Variants in PCCB observed in about 807,000 individuals in gnomAD.
The protein encoded by PCCB is propionyl-CoA carboxylase beta chain, mitochondrial.
Under a neutral mutation model 60.7 loss-of-function variants are expected in PCCB, and 43 were observed. The ratio of observed to expected loss-of-function variants is 0.71; its 90% CI spans 0.55 to 0.91. PCCB has a LOEUF of 0.91. PCCB is among the 40% of genes least tolerant of loss of function. The pLI is 0.00. For synonymous variants in PCCB, 276 were observed against 255.9 expected (o/e 1.08, Z -0.75); for missense variants, 766 against 702.8 (o/e 1.09, Z -1.02).
intron 9 of PCCB, among the ~76,000 whole-genome samples, chr3:136,309,520 C>T (rs1934578853): frequency 1.3e-5 from 2 of 152,060 alleles, no homozygotes; most frequent in South Asian, 2.1e-4. Flanking sequence ...CGTTAAGAGG[C>T]CAGGTGTGGT....
At chr3:136,254,898 G>C (rs1313185481) in intron 1 of PCCB, among the ~76,000 whole-genome samples, 1 of 145,768 alleles carries the variant, frequency 6.9e-6, no homozygotes, top group Non-Finnish European at 1.5e-5. Context: ...TTTTTGGGAC[G>C]GAGTTTCACT....
At chr3:136,301,195 G>A (rs921458780) in intron 9 of PCCB, 84 bp downstream of exon 9, 2 of 1,076,688 alleles carry the variant, frequency 1.9e-6, no homozygotes, top group African/African-American at 3.1e-5. Context: ...GGAAGCACTG[G>A]ACCACTTGGC....
intron 10 of PCCB, among the ~76,000 whole-genome samples, chr3:136,319,254 G>A (rs910553797): frequency 7.9e-5 from 12 of 151,556 alleles, no homozygotes; most frequent in African/African-American, 2.9e-4. Flanking sequence ...TTTTAATTTT[G>A]TGTGTTTTTT....
intron 5 of PCCB, among the ~76,000 whole-genome samples, chr3:136,269,476 C>T (rs903439537): frequency 3.3e-5 from 5 of 152,112 alleles, no homozygotes; most frequent in South Asian, 4.1e-4. Flanking sequence ...ATCATGTCTT[C>T]TGCAAATAGA....
intron 9 of PCCB, among the ~76,000 whole-genome samples, chr3:136,307,249 A>G (rs1026486468): frequency 3.2e-5 from 4 of 123,078 alleles, no homozygotes; most frequent in Admixed American, 2.9e-4. Context: ...TTATCCAATC[A>G]AGAGGTAGCT....
rs1935489143 is a variant in PCCB, at chr3:136,330,139, ATAAC to A, written c.*117_*120del. The A allele has an allele frequency of 2.6e-6, 4 of 1,566,918 alleles. No homozygotes were observed. The highest frequency in any genetic ancestry group is 2.7e-5 in the African/African-American group (2 of 73,466). ...AATCCAAATAGTTGGATAACTTAGA[ATAAC>A]TAAGTTTATTAAATTCTAGAAAGAT... On this transcript the variant is annotated 3_prime_UTR_variant, in exon 15 of 15. Transcript: ENST00000251654.
chr3:136,306,628 T>C (rs1296179091), intron 9 of PCCB, among the ~76,000 whole-genome samples: 1 of 122,778 alleles, frequency 8.1e-6, no homozygotes, highest in Non-Finnish European at 1.8e-5. Flanking sequence ...TGTACATATA[T>C]GCAATTATAA....
At chr3:136,299,654 GTGTA>G (rs1477232454) in intron 8 of PCCB, among the ~76,000 whole-genome samples, 1 of 123,758 alleles carries the variant, frequency 8.1e-6, no homozygotes, top group Non-Finnish European at 1.7e-5. Context: ...GTATATGCAT[GTGTA>G]TGTATAGGTA....
intron 9 of PCCB, among the ~76,000 whole-genome samples, chr3:136,312,409 A>G (rs768490553): frequency 1.3e-5 from 2 of 152,210 alleles, no homozygotes; most frequent in Non-Finnish European, 2.9e-5. Context: ...GGGTATTACA[A>G]TAGGACCACC....
intron 5 of PCCB, among the ~76,000 whole-genome samples, chr3:136,265,831 T>G (rs1257258337): frequency 2.6e-5 from 3 of 117,034 alleles, no homozygotes; most frequent in Admixed American, 1.6e-4. Flanking sequence ...TCTTTTTTTG[T>G]TTTTTTTTTT....
At chr3:136,256,255 A>G (rs1576402539) in intron 2 of PCCB, 2 of 565,422 alleles carry the variant, frequency 3.5e-6, no homozygotes, top group East Asian at 6.2e-5. Flanking sequence ...GTGTTTCTTT[A>G]TACGTCCTCC....
At chr3:136,301,209 C>T (rs1336681107) in intron 9 of PCCB, 98 bp downstream of exon 9, 2 of 909,676 alleles carry the variant, frequency 2.2e-6, no homozygotes, top group East Asian at 4.9e-5. Flanking sequence ...ACTTGGCCTC[C>T]ATGTCAGACA....
At chr3:136,295,037 C>T (rs1933870632) in intron 7 of PCCB, among the ~76,000 whole-genome samples, 1 of 152,208 alleles carries the variant, frequency 6.6e-6, no homozygotes, top group Non-Finnish European at 1.5e-5. Flanking sequence ...GGAAGTAGGG[C>T]ATGATTCTGA....
At chr3:136,271,114 G>C (rs1942186311) in intron 5 of PCCB, among the ~76,000 whole-genome samples, 1 of 152,088 alleles carries the variant, frequency 6.6e-6, no homozygotes, top group African/African-American at 2.4e-5. Context: ...CTGTGCAGAA[G>C]CTTTTTAGTT....
intron 5 of PCCB, among the ~76,000 whole-genome samples, chr3:136,263,649 T>C (rs996869850): frequency 2.0e-5 from 3 of 152,104 alleles, no homozygotes; most frequent in Admixed American, 1.3e-4. Flanking sequence ...ATGCTGCTTG[T>C]CATATTGATA....
chr3:136,320,773 T>C (rs931989572), intron 10 of PCCB, among the ~76,000 whole-genome samples: 1 of 152,238 alleles, frequency 6.6e-6, no homozygotes, highest in Admixed American at 6.5e-5. Flanking sequence ...TTTCTGCAAA[T>C]AGAGATAGTT....
At chr3:136,263,257 T>TG (rs1243842297) in intron 5 of PCCB, among the ~76,000 whole-genome samples, 1 of 144,974 alleles carries the variant, frequency 6.9e-6, no homozygotes, top group African/African-American at 2.6e-5. Context: ...CCAGCTGGTT[T>TG]TTTTTTTTTT....
intron 2 of PCCB, 56 bp downstream of exon 2, chr3:136,256,031 C>T (rs1941664114): frequency 6.2e-7 from 1 of 1,611,964 alleles, no homozygotes; most frequent in African/African-American, 1.3e-5. Flanking sequence ...GCTGGCCTAC[C>T]CACTAGAATA....
intron 1 of PCCB, among the ~76,000 whole-genome samples, chr3:136,254,346 G>A (rs1941606620): frequency 6.6e-6 from 1 of 151,604 alleles, no homozygotes; most frequent in Non-Finnish European, 1.5e-5. Flanking sequence ...AGCCTCCCGA[G>A]TAGCTGGGAC....
Sources: allele counts gnomAD v4.1 joint callset (sites outside exome capture counted in the v4.1 genomes callset), GRCh38; gene constraint gnomAD v4.1.1; transcripts MANE v1.5; gene names NCBI Gene and HGNC (gene_info 2026-07-23, HGNC 2026-07-21).